Variants in PBX3 observed in about 807,000 individuals in gnomAD.
The protein encoded by PBX3 is pre-B-cell leukemia transcription factor 3.
PBX3 carries 14 observed loss-of-function variants against 48.5 expected under a neutral mutation model. That is an observed-to-expected ratio of 0.29 (90% CI 0.19 to 0.45). PBX3 has a LOEUF of 0.45. Among genes scored for constraint, PBX3 ranks in the 20% least tolerant of loss-of-function variants. The pLI, the probability that PBX3 is intolerant of heterozygous loss-of-function variation, is 1.00. For missense variants in PBX3, 386 were observed against 546.7 expected, an observed-to-expected ratio of 0.71 and a Z score of 2.93; for synonymous variants, 210 against 200.3, an observed-to-expected ratio of 1.05 and a Z score of -0.41.
At chr9:125,933,563 G>C (rs987145933) in intron 4 of PBX3, among the ~76,000 whole-genome samples, 1 of 152,086 alleles carries the variant, frequency 6.6e-6, no homozygotes, top group African/African-American at 2.4e-5. Flanking sequence ...CATCTACCCT[G>C]GGCCTTGCTC....
chr9:125,802,720 C>A (rs1321176294), intron 2 of PBX3, among the ~76,000 whole-genome samples: 1 of 151,650 alleles, frequency 6.6e-6, no homozygotes, highest in East Asian at 1.9e-4. Flanking sequence ...TCTCCGTTGC[C>A]CAGGCTGGGG....
chr9:125,783,982 CAGAT>C (rs1358939283), intron 2 of PBX3, among the ~76,000 whole-genome samples: 2 of 152,066 alleles, frequency 1.3e-5, no homozygotes, highest in South Asian at 2.1e-4. Flanking sequence ...GCCTGAGTGA[CAGAT>C]GGAGACTTTG....
At chr9:125,760,194 T>G (rs1836627417) in intron 2 of PBX3, among the ~76,000 whole-genome samples, 1 of 152,266 alleles carries the variant, frequency 6.6e-6, no homozygotes, top group Non-Finnish European at 1.5e-5. Context: ...GAAAGTTTAC[T>G]TTCTATTTTA....
At chr9:125,932,254 G>A (rs1378933048) in intron 4 of PBX3, among the ~76,000 whole-genome samples, 2 of 152,172 alleles carry the variant, frequency 1.3e-5, no homozygotes, top group Non-Finnish European at 2.9e-5. Flanking sequence ...TCCGGATCTG[G>A]TCTAAATGCT....
intron 2 of PBX3, among the ~76,000 whole-genome samples, chr9:125,912,243 G>GA (rs965645156): frequency 2.0e-5 from 3 of 152,110 alleles, no homozygotes; most frequent in Non-Finnish European, 4.4e-5. Context: ...ATGAGCTGTT[G>GA]AAAATGCCTG....
intron 8 of PBX3, among the ~76,000 whole-genome samples, 187 bp downstream of exon 8, chr9:125,963,288 T>C (rs763453494): frequency 2.6e-5 from 4 of 152,226 alleles, no homozygotes; most frequent in African/African-American, 7.2e-5. Context: ...GAAGTCCTCA[T>C]AGATGCCCAG....
chr9:125,843,613 G>T (rs1489267395), intron 2 of PBX3: 1 of 238,556 alleles, frequency 4.2e-6, no homozygotes, highest in Non-Finnish European at 8.7e-6. Flanking sequence ...TTAATGGCCG[G>T]TGCTTGGTAT....
At chr9:125,868,179 GTT>G (rs56660114) in intron 2 of PBX3, among the ~76,000 whole-genome samples, 1 of 147,468 alleles carries the variant, frequency 6.8e-6, no homozygotes, top group South Asian at 2.2e-4. Flanking sequence ...CCAGACTGCA[GTT>G]TTTTTTTTTT....
At chr9:125,911,706 G>A (rs181591506) in intron 2 of PBX3, among the ~76,000 whole-genome samples, 82 of 152,124 alleles carry the variant, frequency 5.4e-4, no homozygotes, top group African/African-American at 1.8e-3. Context: ...CAGCGACGTC[G>A]TAGGCCTAAG....
At chr9:125,933,333 G>T (rs958132438) in intron 4 of PBX3, among the ~76,000 whole-genome samples, 1 of 151,790 alleles carries the variant, frequency 6.6e-6, no homozygotes, top group Non-Finnish European at 1.5e-5. Context: ...GTGTAGGTCC[G>T]TCTCCTCTTC....
chr9:125,899,498 A>C (rs897785889), intron 2 of PBX3, among the ~76,000 whole-genome samples: 27 of 146,640 alleles, frequency 1.8e-4, no homozygotes, highest in African/African-American at 6.5e-4. Flanking sequence ...GCTCACCCAC[A>C]GGCAGGGGAG....
At chr9:125,893,200 G>T (rs1241012307) in intron 2 of PBX3, among the ~76,000 whole-genome samples, 1 of 152,192 alleles carries the variant, frequency 6.6e-6, no homozygotes, top group Non-Finnish European at 1.5e-5. Flanking sequence ...TACCAATAGT[G>T]AGAAGCAAAG....
rs72752654 is a variant in PBX3, at chr9:125,936,272, A to G, written c.843+665A>G. ...TATTTGGACTGAGGATTGGAAACAA[A>G]TAAATTAACAAACAAGTGTACCTCT... On this transcript the variant is annotated intron_variant, in intron 5 of 8. Transcript: ENST00000373489. Among the ~76,000 whole-genome samples the G allele has an allele frequency of 8.5e-3, 1,289 of 152,348 alleles. 11 individuals are homozygous for G. Among genetic ancestry groups the G allele is most frequent in the Non-Finnish European group, 0.012 (820 of 68,026 alleles).
intron 2 of PBX3, among the ~76,000 whole-genome samples, chr9:125,891,240 C>T (rs911137071): frequency 1.3e-5 from 2 of 152,146 alleles, no homozygotes; most frequent in African/African-American, 4.8e-5. Context: ...ATTGATCTTT[C>T]CCATATAATA....
intron 2 of PBX3, among the ~76,000 whole-genome samples, chr9:125,865,963 T>A (rs1345260063): frequency 1.3e-5 from 2 of 151,620 alleles, no homozygotes; most frequent in African/African-American, 4.8e-5. Context: ...TTTCCCCCAA[T>A]TTTTTTCCCC....
At chr9:125,801,107 C>T (rs188286528) in intron 2 of PBX3, among the ~76,000 whole-genome samples, 1 of 152,292 alleles carries the variant, frequency 6.6e-6, no homozygotes, top group East Asian at 1.9e-4. Context: ...ATATGCTAGA[C>T]ATTCAATGAA....
intron 5 of PBX3, among the ~76,000 whole-genome samples, chr9:125,944,541 A>C (rs1466965290): frequency 1.3e-5 from 2 of 152,210 alleles, no homozygotes; most frequent in Non-Finnish European, 2.9e-5. Context: ...GAAGAAGCAC[A>C]CAGGCACAAA....
intron 2 of PBX3, among the ~76,000 whole-genome samples, chr9:125,790,791 T>C (rs1412359913): frequency 6.6e-6 from 1 of 152,084 alleles, no homozygotes; most frequent in Non-Finnish European, 1.5e-5. Context: ...GGTCTTGAAC[T>C]TCTGGCCTGG....
chr9:125,794,700 G>T (rs201221617), intron 2 of PBX3, among the ~76,000 whole-genome samples: 1 of 143,278 alleles, frequency 7.0e-6, no homozygotes, highest in East Asian at 2.0e-4. Flanking sequence ...ACTCATGGCT[G>T]TTTTTTTTTT....
Sources: allele counts gnomAD v4.1 joint callset (sites outside exome capture counted in the v4.1 genomes callset), GRCh38; gene constraint gnomAD v4.1.1; transcripts MANE v1.5; gene names NCBI Gene and HGNC (gene_info 2026-07-23, HGNC 2026-07-21).